Variants in RBFOX1 observed in about 807,000 individuals in gnomAD.
The protein encoded by RBFOX1 is RNA binding fox-1 homolog 1.
Under a neutral mutation model 57.7 loss-of-function variants are expected in RBFOX1, and 8 were observed. That is an observed-to-expected ratio of 0.14 (90% CI 0.08 to 0.25). RBFOX1 has a LOEUF of 0.25. Ranked by LOEUF, RBFOX1 falls within the 10% of genes least tolerant of loss-of-function variation. The probability of loss-of-function intolerance (pLI) is 1.00; values close to 1 mark genes in which losing one functional copy is unlikely to be tolerated. For synonymous variants in RBFOX1, 326 were observed against 222.4 expected (o/e 1.47, Z -4.15); for missense variants, 611 against 548.5 (o/e 1.11, Z -1.14).
At chr16:7,353,189 A>G (rs1603627076) in intron 4 of RBFOX1, among the ~76,000 whole-genome samples, 2 of 152,164 alleles carry the variant, frequency 1.3e-5, no homozygotes, top group Admixed American at 6.5e-5. Context: ...ATTCACAAAA[A>G]CCATACTTTT....
At chr16:5,418,199 T>G (rs1202511309) in intron 1 of RBFOX1, among the ~76,000 whole-genome samples, 3 of 152,246 alleles carry the variant, frequency 2.0e-5, no homozygotes, top group South Asian at 2.1e-4. Flanking sequence ...CAGGAATAAT[T>G]AATGGTCAAT....
intron 2 of RBFOX1, among the ~76,000 whole-genome samples, chr16:5,487,688 C>G (rs996329853): frequency 3.3e-5 from 5 of 152,128 alleles, no homozygotes; most frequent in African/African-American, 1.2e-4. Context: ...TTATGTCTTC[C>G]AAGATGGTGG....
At chr16:5,837,389 A>C (rs1000418234) in intron 3 of RBFOX1, among the ~76,000 whole-genome samples, 1 of 152,066 alleles carries the variant, frequency 6.6e-6, no homozygotes, top group African/African-American at 2.4e-5. Flanking sequence ...CTTATTGGAC[A>C]CATTGTTTAA....
intron 1 of RBFOX1, among the ~76,000 whole-genome samples, chr16:5,262,019 T>G (rs1189595681): frequency 6.6e-6 from 1 of 152,214 alleles, no homozygotes; most frequent in Non-Finnish European, 1.5e-5. Flanking sequence ...GGAATCACTG[T>G]CTTGATTTAT....
chr16:7,059,669 C>T (rs74008587), intron 4 of RBFOX1, among the ~76,000 whole-genome samples: 217 of 152,304 alleles, frequency 1.4e-3, no homozygotes, highest in African/African-American at 4.4e-3. Flanking sequence ...TTAATACATA[C>T]TGTCCCATCT....
At chr16:6,577,670 A>G (rs1484149613) in intron 2 of RBFOX1, among the ~76,000 whole-genome samples, 1 of 152,156 alleles carries the variant, frequency 6.6e-6, no homozygotes, top group Non-Finnish European at 1.5e-5. Context: ...GTAGTTCCAC[A>G]TGGTCCCAGG....
At chr16:5,244,383 C>T (rs1288680853) in intron 1 of RBFOX1, among the ~76,000 whole-genome samples, 1 of 152,192 alleles carries the variant, frequency 6.6e-6, no homozygotes, top group African/African-American at 2.4e-5. Flanking sequence ...GCCTGTTCCC[C>T]ACCACATCCG....
intron 3 of RBFOX1, among the ~76,000 whole-genome samples, chr16:7,024,250 G>C (rs1052459515): frequency 1.3e-5 from 2 of 152,134 alleles, no homozygotes; most frequent in Non-Finnish European, 2.9e-5. Context: ...CTCTGGACAT[G>C]AATGCACAGA....
In RBFOX1 at chr16:6,975,736, G is replaced by T. The variant is rs549578192; in HGVS notation, c.-15-76321G>T. ...AGCACTGCTCATATGCTCATAGGCTGAAAGTTTTCTACTCCTATGACCCCT... is the reference window on the plus strand; with the variant it reads ...AGCACTGCTCATATGCTCATAGGCTTAAAGTTTTCTACTCCTATGACCCCT... On this transcript the variant is annotated intron_variant, in intron 3 of 15. Transcript: ENST00000550418. 1.6e-3 allele frequency among the ~76,000 whole-genome samples: 248 copies of T among 152,296 alleles called. 1 individual carries two copies. Among genetic ancestry groups the T allele is most frequent in the African/African-American group, 5.8e-3 (239 of 41,560 alleles).
intron 3 of RBFOX1, among the ~76,000 whole-genome samples, chr16:6,732,708 C>G (rs192606297): frequency 1.3e-5 from 2 of 152,316 alleles, no homozygotes; most frequent in African/African-American, 4.8e-5. Flanking sequence ...TTGCCTAAAG[C>G]ACATAAGCCT....
chr16:6,485,933 T>C (rs1387877589), intron 2 of RBFOX1, among the ~76,000 whole-genome samples: 1 of 152,066 alleles, frequency 6.6e-6, no homozygotes, highest in Non-Finnish European at 1.5e-5. Context: ...GGCCAGGTAA[T>C]TGAAGTACAA....
intron 2 of RBFOX1, among the ~76,000 whole-genome samples, chr16:6,319,172 T>C (rs535236687): frequency 1.3e-5 from 2 of 152,290 alleles, no homozygotes; most frequent in East Asian, 3.9e-4. Flanking sequence ...AGTTGGAATT[T>C]GTACATGGCT....
At chr16:6,817,800 C>A (rs2090426504) in intron 3 of RBFOX1, among the ~76,000 whole-genome samples, 1 of 152,112 alleles carries the variant, frequency 6.6e-6, no homozygotes, top group African/African-American at 2.4e-5. Context: ...CTGACAAAAA[C>A]CTTATTAACT....
At chr16:7,393,385 C>G (rs1209058212) in intron 4 of RBFOX1, among the ~76,000 whole-genome samples, 1 of 152,158 alleles carries the variant, frequency 6.6e-6, no homozygotes, top group Non-Finnish European at 1.5e-5. Flanking sequence ...TCTTTGGTAT[C>G]TTCACTGTAT....
rs79693790 is a variant in RBFOX1, at chr16:6,782,509, G to C, written c.-16+127859G>C. On this transcript the variant is annotated intron_variant, in intron 3 of 15. Coordinates refer to ENST00000550418, the MANE Select transcript of RBFOX1 (RefSeq NM_018723.4). ...TTCTATTTTTTCATGGTTCAATCTT[G>C]GTAGGAATTTTATGTCCCGGGATTT... is the stretch of plus-strand genomic sequence containing the variant. Among the ~76,000 whole-genome samples the C allele has an allele frequency of 6.3e-3, 958 of 151,926 alleles. 11 individuals are homozygous for C. Among genetic ancestry groups the C allele is most frequent in the African/African-American group, 0.022 (921 of 41,426 alleles).
intron 4 of RBFOX1, among the ~76,000 whole-genome samples, chr16:7,139,534 G>T (rs190789029): frequency 6.6e-6 from 1 of 152,082 alleles, no homozygotes; most frequent in Admixed American, 6.6e-5. Flanking sequence ...GCTTAACATG[G>T]TTCCTGGCAT....
intron 10 of RBFOX1, among the ~76,000 whole-genome samples, chr16:7,617,775 C>G (rs1282748269): frequency 6.6e-6 from 1 of 152,084 alleles, no homozygotes; most frequent in East Asian, 1.9e-4. Context: ...TAGAAGGATG[C>G]AAAACAAACT....
At chr16:7,700,709 G>C (rs971508286) in intron 14 of RBFOX1, among the ~76,000 whole-genome samples, 1 of 152,080 alleles carries the variant, frequency 6.6e-6, no homozygotes, top group Admixed American at 6.5e-5. Context: ...GGTATTCTAG[G>C]GCAGGAGAAT....
chr16:7,150,082 C>A (rs1207685164), intron 4 of RBFOX1, among the ~76,000 whole-genome samples: 1 of 152,196 alleles, frequency 6.6e-6, no homozygotes, highest in Admixed American at 6.5e-5. Context: ...GCCAGGTTGC[C>A]TGTTCTTCCC....
Sources: gnomAD v4.1 joint callset for allele counts (sites outside exome capture counted in the v4.1 genomes callset) on GRCh38, gnomAD v4.1.1 for gene constraint, MANE v1.5 for transcripts, NCBI Gene and HGNC (gene_info 2026-07-23, HGNC 2026-07-21) for gene names.